The following PCM1 variants were observed in gnomAD, a reference collection of about 807,000 sequenced individuals.
The protein encoded by PCM1 is pericentriolar material 1.
PCM1 carries 157 observed loss-of-function variants against 241.9 expected under a neutral mutation model. The observed-to-expected ratio is 0.65, with a 90% CI of 0.57 to 0.74. PCM1 has a LOEUF of 0.74. PCM1 is among the 30% of genes least tolerant of loss of function. The pLI is 0.00. For synonymous variants in PCM1, 1,085 were observed against 784.9 expected, an observed-to-expected ratio of 1.38 and a Z score of -6.39; for missense variants, 3,478 against 2,360.1, an observed-to-expected ratio of 1.47 and a Z score of -9.81.
At chr8:17,940,163 G>A (rs1183643539) in intron 6 of PCM1, 1 of 1,461,912 alleles carries the variant, frequency 6.8e-7, no homozygotes, top group East Asian at 2.4e-5. Context: ...ACCACGGTAA[G>A]CGGCTTTTTG....
At position 17,937,843 on chromosome 8, in the gene PCM1, T is replaced by C. The variant is rs372127430; in HGVS notation, c.342+464T>C. Among the ~76,000 whole-genome samples, 7 of 152,282 alleles carry C rather than the reference T, an allele frequency of 4.6e-5. No homozygotes were observed. The East Asian group carries it at 9.6e-4, about 21-fold the overall frequency. The stretch of plus-strand genomic sequence containing the variant: ...AATGATAATAAATTCTTGAGAGATA[T>C]TTTACTCTTAGATCTATATGTCATA... On this transcript the variant is annotated intron_variant, in intron 4 of 38. Coordinates refer to ENST00000325083, the MANE Select transcript of PCM1 (RefSeq NM_006197.4).
rs2060151812 is a variant in PCM1 at position 17,935,485 on chromosome 8, A to G, written c.-22-104A>G. ...TGACAGTGCCTCATTTTAGTTCATA[A>G]AAATCAGTGCTTCAAAGATTGTATT... is the stretch of plus-strand genomic sequence containing the variant. On this transcript the variant is annotated intron_variant, in intron 2 of 38. Coordinates refer to ENST00000325083, the MANE Select transcript of PCM1 (RefSeq NM_006197.4). 3 of 597,198 alleles carry G rather than the reference A, an allele frequency of 5.0e-6. No homozygotes were observed. The South Asian group carries it at 6.5e-5, about 13-fold the overall frequency. 37.0% of individuals were successfully genotyped at this position (597,198 alleles called of 1,614,324 possible). A position where few individuals can be genotyped will look rare whatever the true frequency, so the allele number is the denominator to read the frequency against.
At chr8:17,955,436 T>A in intron 9 of PCM1, 34 bp from the exon 10 acceptor site, 1 of 1,501,878 alleles carries the variant, frequency 6.7e-7, no homozygotes, top group Non-Finnish European at 8.9e-7. Flanking sequence ...AACTGGTGAT[T>A]AAAAAAAATT....
At chr8:17,976,067 T>A (rs2078665830) in intron 23 of PCM1, among the ~76,000 whole-genome samples, 1 of 152,220 alleles carries the variant, frequency 6.6e-6, no homozygotes, top group Non-Finnish European at 1.5e-5. Flanking sequence ...TGTCCTTGAA[T>A]CTTTTCATTT....
intron 22 of PCM1, among the ~76,000 whole-genome samples, chr8:17,971,676 A>G (rs904969794): frequency 3.9e-5 from 6 of 152,228 alleles, no homozygotes; most frequent in African/African-American, 9.6e-5. Context: ...GCCCTCTGCT[A>G]TAGCTCTTTT....
intron 9 of PCM1, among the ~76,000 whole-genome samples, chr8:17,953,668 T>C (rs1318710312): frequency 6.6e-6 from 1 of 152,210 alleles, no homozygotes; most frequent in Non-Finnish European, 1.5e-5. Flanking sequence ...CTGCTGGATT[T>C]ATATTCATTT....
chr8:17,987,019 CT>C (rs1046678378), intron 26 of PCM1, among the ~76,000 whole-genome samples: 76 of 151,858 alleles, frequency 5.0e-4, no homozygotes, highest in African/African-American at 1.8e-3. Context: ...TCTTTAACTT[CT>C]ACTCGTGTTT....
At chr8:17,996,801 T>G (rs1564266900) in intron 29 of PCM1, among the ~76,000 whole-genome samples, 1 of 152,232 alleles carries the variant, frequency 6.6e-6, no homozygotes, top group Non-Finnish European at 1.5e-5. Context: ...TGAAAACTTA[T>G]GCAAATGTTA....
Position 18,027,690 on chromosome 8 carries a change from G to A in PCM1, c.*28G>A. On this transcript the variant is annotated 3_prime_UTR_variant, in exon 39 of 39. Coordinates refer to ENST00000325083, the MANE Select transcript of PCM1 (RefSeq NM_006197.4). ...TGTCTTCAGAGGCTCATCTAACTCT[G>A]TCCTTACATACTCAATGCATATATG... The A allele has an allele frequency of 6.5e-7, 1 of 1,537,386 alleles. No homozygotes were observed. The highest frequency in any genetic ancestry group is 1.2e-5 in the South Asian group (1 of 84,822).
chr8:17,949,989 A>G (rs901002253), intron 7 of PCM1, among the ~76,000 whole-genome samples: 1 of 152,150 alleles, frequency 6.6e-6, no homozygotes, highest in South Asian at 2.1e-4. Flanking sequence ...CCACTTCAAT[A>G]AATTATCCAT....
At chr8:18,026,232 C>A (rs1320513602) in intron 38 of PCM1, among the ~76,000 whole-genome samples, 4 of 99,242 alleles carry the variant, frequency 4.0e-5, no homozygotes, top group African/African-American at 8.0e-5. Flanking sequence ...AAGAAAGGTA[C>A]AAAAATATTA....
chr8:17,945,386 T>C (rs2063426476), intron 6 of PCM1, among the ~76,000 whole-genome samples: 1 of 152,134 alleles, frequency 6.6e-6, no homozygotes, highest in South Asian at 2.1e-4. Context: ...CTAATAAATA[T>C]TGGCTTACCA....
chr8:17,978,157 C>G (rs2079418936), intron 23 of PCM1, among the ~76,000 whole-genome samples: 1 of 151,986 alleles, frequency 6.6e-6, no homozygotes, highest in African/African-American at 2.4e-5. Flanking sequence ...AGGACACGTG[C>G]TATTAAGTTC....
intron 1 of PCM1, among the ~76,000 whole-genome samples, 198 bp downstream of exon 1, chr8:17,923,386 C>T (rs954636665): frequency 4.6e-5 from 7 of 152,324 alleles, no homozygotes; most frequent in Admixed American, 4.6e-4. Context: ...GACTGATCGC[C>T]GGGATCCCCG....
Position 18,011,087 on chromosome 8 carries a change from CTT to C in PCM1, c.5221-145_5221-144del, listed in dbSNP as rs1442171589. 9.3e-6 allele frequency: 5 copies of C among 538,824 alleles called. No individual in the cohort carries two copies. In the Admixed American group the frequency reaches 1.2e-4, roughly 13 times the overall value. The allele number at this position is 538,824 out of a possible 1,614,324, so 33.4% of individuals were successfully genotyped here. A position where few individuals can be genotyped will look rare whatever the true frequency, so the allele number is the denominator to read the frequency against. ...TCATCAAATGACCTTTTTCCTGACA[CTT>C]TTTTATTTTAAAAATAAAACTAGAC... On this transcript the variant is annotated intron_variant, in intron 32 of 38. Transcript: ENST00000325083.
chr8:17,943,088 G>C (rs558690308), intron 6 of PCM1, among the ~76,000 whole-genome samples: 6 of 151,608 alleles, frequency 4.0e-5, no homozygotes, highest in Non-Finnish European at 8.8e-5. Flanking sequence ...TAGTAATTGA[G>C]TATAGGTAAG....
chr8:17,936,943 A>G (rs2060604133), intron 3 of PCM1, among the ~76,000 whole-genome samples, 191 bp from the exon 4 acceptor site: 1 of 152,238 alleles, frequency 6.6e-6, no homozygotes, highest in Non-Finnish European at 1.5e-5. Flanking sequence ...AGGATGGGCT[A>G]TAAAATTAAG....
chr8:17,955,715 T>C (rs1174858909), intron 10 of PCM1, 62 bp downstream of exon 10: 9 of 1,310,874 alleles, frequency 6.9e-6, no homozygotes, highest in Non-Finnish European at 9.8e-6. Flanking sequence ...TCTGTTTTTT[T>C]TTTTATGTTG....
chr8:17,952,995 G>T lies in PCM1; in HGVS notation c.1097G>T (p.Arg366Ile), dbSNP rs2066660364. The T allele has an allele frequency of 1.9e-6, 3 of 1,600,606 alleles. No individual in the cohort carries two copies. The highest frequency in any genetic ancestry group is 2.6e-6 in the Non-Finnish European group (3 of 1,172,668). The part of the protein sequence containing the change: ...SQPPAVPDNR[R>I]QAESLSLTRE... ...CCTCCAGCTGTTCCAGACAATAGAA[G>T]ACAGGCAGAAAGTCTTTCATTAACT... is the stretch of plus-strand genomic sequence containing the variant. Residue 366 changes from arginine (R) to isoleucine (I), a missense_variant, in exon 9 of 39, where the codon AGA becomes ATA. Arg to Ile is a moderately conservative substitution (Grantham distance 97). Transcript: ENST00000325083.
Sources: gnomAD v4.1 joint callset for allele counts (sites outside exome capture counted in the v4.1 genomes callset) on GRCh38, gnomAD v4.1.1 for gene constraint, MANE v1.5 for transcripts, NCBI Gene and HGNC (gene_info 2026-07-23, HGNC 2026-07-21) for gene names.